LIMK1: variants seen among roughly 807,000 people sequenced by gnomAD.
LIMK1 encodes the protein LIM motif-containing protein kinase.
A neutral mutation model predicts 77.6 loss-of-function variants in LIMK1; 21 were observed. That is an observed-to-expected ratio of 0.27 (90% CI 0.19 to 0.39). The LOEUF (loss-of-function observed/expected upper bound fraction) is 0.39, where lower values mean the gene tolerates loss of function less well. Among genes scored for constraint, LIMK1 ranks in the 10% least tolerant of loss-of-function variants. The probability of loss-of-function intolerance (pLI) is 1.00; values close to 1 mark genes in which losing one functional copy is unlikely to be tolerated. For synonymous variants in LIMK1, 358 were observed against 370.0 expected (o/e 0.97, Z 0.37); for missense variants, 696 against 901.6 (o/e 0.77, Z 2.92).
At chr7:74,093,320 C>G in intron 2 of LIMK1, 2 of 1,535,808 alleles carry the variant, frequency 1.3e-6, no homozygotes, top group Non-Finnish European at 1.7e-6. Flanking sequence ...ATCCCCCTCC[C>G]TACTTGTCCT....
intron 10 of LIMK1, 88 bp downstream of exon 10, chr7:74,109,124 G>A: frequency 9.4e-7 from 1 of 1,060,180 alleles, no homozygotes; most frequent in Non-Finnish European, 1.4e-6. Context: ...TCTCTTCAAT[G>A]GGGGGAAGCC....
At position 74,097,149 on chromosome 7, in the gene LIMK1, G is replaced by A. The variant is rs782124445; in HGVS notation, c.361G>A (p.Gly121Arg). 3.7e-6 allele frequency: 6 copies of A among 1,613,210 alleles called. No homozygotes were observed. The highest frequency in any genetic ancestry group is 1.7e-5 in the Admixed American group (1 of 59,956). The change falls in exon 4 of 16, where the codon GGG becomes AGG. Residue 121 changes from glycine (G) to arginine (R), a missense_variant. This residue lies in a region of LIMK1 where 252 missense variants were observed against 279.4 expected (regional missense o/e 0.90). Transcript: ENST00000336180. ...CLTCGTFIGD[G>R]DTYTLVEHSK... The stretch of plus-strand genomic sequence containing the variant: ...CACGTGTGGGACCTTTATCGGTGAC[G>A]GGGACACCTACACGCTGGTGGAGCA...
intron 2 of LIMK1, among the ~76,000 whole-genome samples, chr7:74,089,847 A>G (rs932435370): frequency 6.6e-6 from 1 of 152,008 alleles, no homozygotes; most frequent in South Asian, 2.1e-4. Flanking sequence ...AGACGAATGA[A>G]GGGAAGAACT....
Position 74,106,227 on chromosome 7 carries a change from C to T in LIMK1, c.865C>T (p.Arg289Trp), listed in dbSNP as rs191821726. The T allele has an allele frequency of 2.4e-5, 39 of 1,611,282 alleles. No individual in the cohort carries two copies. The highest frequency in any genetic ancestry group is 1.3e-4 in the South Asian group (12 of 90,906). The change falls in exon 7 of 16, where the codon CGG becomes TGG. Residue 289 changes from arginine (R) to tryptophan (W), a missense_variant. By Grantham distance (101) the Arg-to-Trp change is moderately radical. Around this residue, in one of 3 missense-constraint regions of LIMK1, gnomAD observed 438 missense variants for 602.3 expected, o/e 0.73. Coordinates refer to ENST00000336180, the MANE Select transcript of LIMK1 (RefSeq NM_002314.4). ...TPSGEAGSSA[R>W]QKPVLRSCSI... is the part of the protein sequence containing the mutation. ...CAGCGGGGAGGCGGGCAGCTCTGCC[C>T]GGCAGAAACCTGTCTTGTAAGTCAG...
At chr7:74,093,590 C>A (rs1048914755) in intron 2 of LIMK1, among the ~76,000 whole-genome samples, 1 of 152,154 alleles carries the variant, frequency 6.6e-6, no homozygotes, top group Non-Finnish European at 1.5e-5. Flanking sequence ...TGGAAGCCAC[C>A]GCTGTCTCCC....
At chr7:74,096,961 G>A (rs1799348229) in intron 3 of LIMK1, 119 bp from the exon 4 acceptor site, 2 of 1,029,732 alleles carry the variant, frequency 1.9e-6, no homozygotes, top group Admixed American at 2.7e-5. Flanking sequence ...TCAGCAGCTG[G>A]CCAGCCGGGT....
Position 74,121,383 on chromosome 7 carries a change from C to A in LIMK1, c.*82C>A. 1 of 1,354,576 alleles carries A rather than the reference C, an allele frequency of 7.4e-7. No individual in the cohort carries two copies. The highest frequency in any genetic ancestry group is 9.9e-7 in the Non-Finnish European group (1 of 1,010,200). The allele number at this position is 1,354,576 out of a possible 1,614,324, so 83.9% of individuals were successfully genotyped here. On this transcript the variant is annotated 3_prime_UTR_variant, in exon 16 of 16. Transcript: ENST00000336180. ...TTCCTCCGCGGGAGGTGGCCCTCAGCTGGGACAGTGGGGACCCAGGCTTCT... is the reference window on the plus strand; with the variant it reads ...TTCCTCCGCGGGAGGTGGCCCTCAGATGGGACAGTGGGGACCCAGGCTTCT...
chr7:74,097,483 C>T (rs1437930804), intron 4 of LIMK1, among the ~76,000 whole-genome samples: 1 of 152,214 alleles, frequency 6.6e-6, no homozygotes, highest in African/African-American at 2.4e-5. Context: ...CAAGACCAGC[C>T]TGGCCAACAT....
chr7:74,114,169 C>G (rs1032457802), intron 12 of LIMK1, among the ~76,000 whole-genome samples: 2 of 151,688 alleles, frequency 1.3e-5, no homozygotes, highest in African/African-American at 4.8e-5. Flanking sequence ...ATTGCTTGAA[C>G]CCGGGAGGTG....
In LIMK1 at chr7:74,087,314, G is replaced by T. The variant is rs184229335; in HGVS notation, c.152+1470G>T. Among the ~76,000 whole-genome samples, 18 of 152,266 alleles carry T rather than the reference G, an allele frequency of 1.2e-4. 2 individuals carry two copies. The East Asian group carries it at 3.5e-3, about 30-fold the overall frequency. ...AGCTACTCAAGAGGCTGAGGTGGCA[G>T]GGTTACTTGAGCCTGGGAGGTGGAG... On this transcript the variant is annotated intron_variant, in intron 2 of 15. Coordinates refer to ENST00000336180, the MANE Select transcript of LIMK1 (RefSeq NM_002314.4).
intron 13 of LIMK1, 54 bp from the exon 14 acceptor site, chr7:74,120,529 G>T: frequency 6.3e-7 from 1 of 1,599,148 alleles, no homozygotes; most frequent in South Asian, 1.1e-5. Context: ...CTGCCTTTTG[G>T]CATCCCTGGC....
chr7:74,115,438 G>T, intron 12 of LIMK1: 2 of 206,724 alleles, frequency 9.7e-6, no homozygotes, highest in Non-Finnish European at 2.0e-5. Flanking sequence ...AAAAACAAAA[G>T]AATTCCTGTC....
Position 74,099,061 on chromosome 7 carries a change from C to A in LIMK1, c.431C>A (p.Thr144Asn). The A allele has an allele frequency of 6.2e-7, 1 of 1,612,666 alleles. No homozygotes were observed. The highest frequency in any genetic ancestry group is 8.5e-7 in the Non-Finnish European group (1 of 1,179,988). ...CGHCYYQTVV[T>N]PVIEQILPDS... ...CACTGCTACTACCAGACTGTGGTGA[C>A]CCCCGTCATCGAGCAGATCCTGCCT... is the stretch of plus-strand genomic sequence containing the variant. Residue 144 changes from threonine to asparagine, a missense_variant, in exon 5 of 16, where the codon ACC becomes AAC. Thr to Asn is a moderately conservative substitution (Grantham distance 65, BLOSUM62 0). This residue lies in a region of LIMK1 where 252 missense variants were observed against 279.4 expected (regional missense o/e 0.90). Transcript: ENST00000336180.
chr7:74,111,824 G>A (rs923603566), intron 11 of LIMK1, 109 bp from the exon 12 acceptor site: 36 of 1,431,840 alleles, frequency 2.5e-5, no homozygotes, highest in Middle Eastern at 1.7e-4. Flanking sequence ...GGGAAGAATC[G>A]TCCCGACTGG....
intron 13 of LIMK1, among the ~76,000 whole-genome samples, chr7:74,120,300 C>G (rs1179366116): frequency 1.3e-5 from 2 of 152,214 alleles, no homozygotes; most frequent in Non-Finnish European, 2.9e-5. Flanking sequence ...TTGGGACCAG[C>G]ACAGAGTTCA....
chr7:74,115,447 T>G, intron 12 of LIMK1: 1 of 220,974 alleles, frequency 4.5e-6, no homozygotes, highest in Non-Finnish European at 9.0e-6. Context: ...AGAATTCCTG[T>G]CTTCTCTCCG....
intron 2 of LIMK1, among the ~76,000 whole-genome samples, chr7:74,090,448 G>A (rs1376966536): frequency 6.6e-6 from 1 of 152,110 alleles, no homozygotes; most frequent in Non-Finnish European, 1.5e-5. Flanking sequence ...GTGGCTTGTG[G>A]GTGTGATACT....
rs1799941347 is a variant in LIMK1 at position 74,121,594 on chromosome 7, G to T, written c.*293G>T. The T allele has an allele frequency of 4.8e-6, 2 of 415,796 alleles. No individual in the cohort carries two copies. The highest frequency in any genetic ancestry group is 7.8e-5 in the East Asian group (2 of 25,574). The allele number at this position is 415,796 out of a possible 1,614,324, so 25.8% of individuals were successfully genotyped here. A position where few individuals can be genotyped will look rare whatever the true frequency, so the allele number is the denominator to read the frequency against. ...TGCATGAGCTGGAGGGCCTGTGTGA[G>T]TTACGCCCCTTTCCACACGCCGCTG... is the stretch of plus-strand genomic sequence containing the variant. On this transcript the variant is annotated 3_prime_UTR_variant, in exon 16 of 16. Transcript: ENST00000336180.
At chr7:74,111,614 C>T (rs782123242) in intron 10 of LIMK1, 34 bp from the exon 11 acceptor site, 34 of 1,587,188 alleles carry the variant, frequency 2.1e-5, no homozygotes, top group South Asian at 2.0e-4. Context: ...GGGCCCCCAC[C>T]GGCCCCACCC....
Sources: gnomAD v4.1 joint callset for allele counts (sites outside exome capture counted in the v4.1 genomes callset) on GRCh38, gnomAD v4.1.1 for gene constraint, gnomAD v4.1.1 regional missense constraint, MANE v1.5 for transcripts, NCBI Gene and HGNC (gene_info 2026-07-23, HGNC 2026-07-21) for gene names.